Variants in CDK5RAP2 observed in about 807,000 individuals in gnomAD.
The protein encoded by CDK5RAP2 is CDK5 regulatory subunit-associated protein 2.
Under a neutral mutation model 232.9 loss-of-function variants are expected in CDK5RAP2, and 147 were observed. The observed-to-expected ratio is 0.63, with a 90% CI of 0.55 to 0.72. CDK5RAP2 has a LOEUF of 0.72. Ranked by LOEUF, CDK5RAP2 falls within the 30% of genes least tolerant of loss-of-function variation. CDK5RAP2 has a pLI of 0.00. For missense variants in CDK5RAP2, 2,195 were observed against 2,231.5 expected (o/e 0.98, Z 0.33); for synonymous variants, 833 against 833.7 (o/e 1.00, Z 0.01).
Position 120,400,728 on chromosome 9 carries a change from G to A in CDK5RAP2, c.5451+14C>T. 1 of 1,612,986 alleles carries A rather than the reference G, an allele frequency of 6.2e-7. No individual in the cohort carries two copies. Among genetic ancestry groups the A allele is most frequent in the Non-Finnish European group, 8.5e-7 (1 of 1,179,982 alleles). ...TGGCATCCTTGAGCCTCTGAAACAT[G>A]TGTCACCACCTACCTGCTCACAGTG... On this transcript the variant is annotated intron_variant, in intron 35 of 37. Transcript: ENST00000349780.
chr9:120,536,660 A>G (rs1470847120), intron 6 of CDK5RAP2, 134 bp from the exon 7 acceptor site: 1 of 861,100 alleles, frequency 1.2e-6, no homozygotes, highest in Admixed American at 2.0e-5. Context: ...TGTACTATAC[A>G]TGGAGAGAAT....
At chr9:120,441,369 A>G (rs773557598) in intron 23 of CDK5RAP2, among the ~76,000 whole-genome samples, 3 of 152,232 alleles carry the variant, frequency 2.0e-5, no homozygotes, top group Non-Finnish European at 4.4e-5. Context: ...AACATCACTG[A>G]AAAGTTGTGT....
At chr9:120,575,294 C>G (rs1479668354) in intron 1 of CDK5RAP2, among the ~76,000 whole-genome samples, 1 of 152,042 alleles carries the variant, frequency 6.6e-6, no homozygotes, top group Non-Finnish European at 1.5e-5. Context: ...CTCAGGTGAC[C>G]TGACCGCCTC....
intron 12 of CDK5RAP2, among the ~76,000 whole-genome samples, chr9:120,499,691 A>C (rs2039485043): frequency 6.6e-6 from 1 of 152,218 alleles, no homozygotes; most frequent in East Asian, 1.9e-4. Flanking sequence ...AAGGAAAGAA[A>C]GGGTTTTTTA....
At chr9:120,398,099 T>C (rs1198535591) in intron 35 of CDK5RAP2, among the ~76,000 whole-genome samples, 1 of 152,220 alleles carries the variant, frequency 6.6e-6, no homozygotes, top group Non-Finnish European at 1.5e-5. Context: ...CAAAGGTATC[T>C]AGAAACCATA....
chr9:120,467,819 T>C (rs776370841), intron 18 of CDK5RAP2, 41 bp downstream of exon 18: 14 of 1,609,730 alleles, frequency 8.7e-6, no homozygotes, highest in Non-Finnish European at 1.1e-5. Flanking sequence ...CCGGTTGTTA[T>C]ATTTTTGTAA....
intron 12 of CDK5RAP2, among the ~76,000 whole-genome samples, chr9:120,515,094 G>T (rs1257014024): frequency 6.6e-6 from 1 of 151,982 alleles, no homozygotes; most frequent in Admixed American, 6.6e-5. Flanking sequence ...GTGTGTGTGT[G>T]TATCACCCCC....
At chr9:120,402,018 A>T (rs951108910) in intron 34 of CDK5RAP2, among the ~76,000 whole-genome samples, 1 of 152,084 alleles carries the variant, frequency 6.6e-6, no homozygotes, top group Admixed American at 6.6e-5. Flanking sequence ...ACTGCCAGGC[A>T]TGATAGCTGA....
Position 120,477,026 on chromosome 9 carries a change from AG to A in CDK5RAP2, c.1727+323del, listed in dbSNP as rs2038051883. On this transcript the variant is annotated intron_variant, in intron 15 of 37. Coordinates refer to ENST00000349780, the MANE Select transcript of CDK5RAP2 (RefSeq NM_018249.6). ...ATAGCATTATTATTACTTCACAGAAAGGCTGTGAGGATCATATGAGATAATA... is the reference window on the plus strand; with the variant it reads ...ATAGCATTATTATTACTTCACAGAAAGCTGTGAGGATCATATGAGATAATA... 2.0e-5 allele frequency among the ~76,000 whole-genome samples: 3 copies of A among 152,234 alleles called. No homozygotes were observed. In the South Asian group the frequency reaches 6.2e-4, roughly 32 times the overall value.
chr9:120,405,462 G>C (rs2033367416), intron 32 of CDK5RAP2, among the ~76,000 whole-genome samples: 2 of 152,084 alleles, frequency 1.3e-5, no homozygotes, highest in Admixed American at 1.3e-4. Flanking sequence ...TCCTTCCTGG[G>C]TACCCCAAGC....
chr9:120,551,430 G>A (rs372602482), intron 3 of CDK5RAP2, among the ~76,000 whole-genome samples: 4 of 152,242 alleles, frequency 2.6e-5, no homozygotes, highest in South Asian at 4.1e-4. Context: ...GGAAACTTGC[G>A]AACACCATCT....
intron 12 of CDK5RAP2, among the ~76,000 whole-genome samples, chr9:120,512,562 T>C (rs1338733330): frequency 6.6e-6 from 1 of 152,242 alleles, no homozygotes; most frequent in African/African-American, 2.4e-5. Context: ...CTTGAGAATG[T>C]ATTATTCTGG....
Position 120,462,457 on chromosome 9 carries a change from T to G in CDK5RAP2, c.2107-1790A>C, listed in dbSNP as rs867056295. On this transcript the variant is annotated intron_variant, in intron 18 of 37. Coordinates refer to ENST00000349780, the MANE Select transcript of CDK5RAP2 (RefSeq NM_018249.6). The stretch of plus-strand genomic sequence containing the variant: ...CATCAAATTAAAAAAAAAAAAAAAG[T>G]GTGTCCCAACAAAGAATTGTACATG... Among the ~76,000 whole-genome samples the G allele has an allele frequency of 6.0e-3, 881 of 145,734 alleles. 13 individuals are homozygous for G. Among genetic ancestry groups the G allele is most frequent in the African/African-American group, 0.021 (831 of 39,826 alleles).
At chr9:120,481,106 A>T (rs1434706712) in intron 14 of CDK5RAP2, among the ~76,000 whole-genome samples, 2 of 152,176 alleles carry the variant, frequency 1.3e-5, no homozygotes, top group African/African-American at 4.8e-5. Flanking sequence ...GCATTTTCTC[A>T]TTTAATCTTC....
At chr9:120,507,731 C>T (rs941730172) in intron 12 of CDK5RAP2, among the ~76,000 whole-genome samples, 1 of 151,598 alleles carries the variant, frequency 6.6e-6, no homozygotes, top group African/African-American at 2.4e-5. Flanking sequence ...CACCAGACTA[C>T]TGCCTTGATT....
intron 18 of CDK5RAP2, among the ~76,000 whole-genome samples, chr9:120,462,002 A>C (rs759854884): frequency 3.9e-5 from 6 of 152,200 alleles, no homozygotes; most frequent in Non-Finnish European, 8.8e-5. Flanking sequence ...ATAGCTCTCC[A>C]GCCCAACTCT....
chr9:120,467,008 G>T (rs1423305266), intron 18 of CDK5RAP2, among the ~76,000 whole-genome samples: 1 of 152,180 alleles, frequency 6.6e-6, no homozygotes, highest in Non-Finnish European at 1.5e-5. Context: ...GCTAACATGC[G>T]CATGAAGCAA....
intron 14 of CDK5RAP2, among the ~76,000 whole-genome samples, chr9:120,482,710 G>A (rs1427585071): frequency 6.6e-6 from 1 of 152,156 alleles, no homozygotes; most frequent in Admixed American, 6.5e-5. Flanking sequence ...ATCAAACGCT[G>A]CCACAAATAC....
intron 15 of CDK5RAP2, among the ~76,000 whole-genome samples, chr9:120,477,058 A>G (rs559958520): frequency 1.3e-5 from 2 of 152,382 alleles, no homozygotes; most frequent in East Asian, 3.9e-4. Context: ...TAATACACAT[A>G]GAAGCACTTT....
Sources: gnomAD v4.1 joint callset for allele counts (sites outside exome capture counted in the v4.1 genomes callset) on GRCh38, gnomAD v4.1.1 for gene constraint, MANE v1.5 for transcripts, NCBI Gene and HGNC (gene_info 2026-07-23, HGNC 2026-07-21) for gene names.